Variants in CHCHD6 observed in about 807,000 individuals in gnomAD.
CHCHD6 encodes MICOS complex subunit MIC25.
A neutral mutation model predicts 32.3 loss-of-function variants in CHCHD6; 28 were observed. The ratio of observed to expected loss-of-function variants is 0.87; its 90% CI spans 0.64 to 1.19. The LOEUF (loss-of-function observed/expected upper bound fraction) is 1.19, where lower values mean the gene tolerates loss of function less well. Among genes scored for constraint, CHCHD6 ranks in the 50% most tolerant of loss-of-function variants. The probability of loss-of-function intolerance (pLI) is 0.00; values close to 1 mark genes in which losing one functional copy is unlikely to be tolerated. For missense variants in CHCHD6, 333 were observed against 307.0 expected, an observed-to-expected ratio of 1.08 and a Z score of -0.63; for synonymous variants, 122 against 117.5, an observed-to-expected ratio of 1.04 and a Z score of -0.25.
Position 126,771,534 on chromosome 3 carries a change from A to G in CHCHD6, c.411+38312A>G, listed in dbSNP as rs928061529. On this transcript the variant is annotated intron_variant, in intron 4 of 7. Transcript: ENST00000290913. ...CCCTAAAGGGGGGTTCTCCTCTCTT[A>G]TTTTCTTTGTTAGTCTAACTAGTGG... 2.0e-5 allele frequency among the ~76,000 whole-genome samples: 3 copies of G among 151,686 alleles called. No homozygotes were observed. The South Asian group carries it at 6.2e-4, about 31-fold the overall frequency.
intron 5 of CHCHD6, among the ~76,000 whole-genome samples, chr3:126,891,583 G>T (rs979068185): frequency 6.6e-6 from 1 of 152,190 alleles, no homozygotes; most frequent in African/African-American, 2.4e-5. Flanking sequence ...GGCTGCAGCT[G>T]CCTTGAGGAG....
At chr3:126,818,476 G>C (rs1940005601) in intron 4 of CHCHD6, among the ~76,000 whole-genome samples, 1 of 152,138 alleles carries the variant, frequency 6.6e-6, no homozygotes, top group Admixed American at 6.5e-5. Flanking sequence ...CACTGGTTTT[G>C]ATTCTATATT....
At chr3:126,777,813 A>G (rs1937721545) in intron 4 of CHCHD6, among the ~76,000 whole-genome samples, 1 of 152,242 alleles carries the variant, frequency 6.6e-6, no homozygotes, top group Non-Finnish European at 1.5e-5. Flanking sequence ...CATTCAAAGT[A>G]TCTAACTCAA....
chr3:126,767,537 C>A (rs1209494019), intron 4 of CHCHD6: 1 of 471,868 alleles, frequency 2.1e-6, no homozygotes, highest in Non-Finnish European at 3.9e-6. Context: ...ATTTTCCCAC[C>A]AGGCACCTGT....
chr3:126,921,188 C>T (rs929982770), intron 6 of CHCHD6, among the ~76,000 whole-genome samples: 1 of 152,152 alleles, frequency 6.6e-6, no homozygotes, highest in Non-Finnish European at 1.5e-5. Flanking sequence ...TGTGTTAGGA[C>T]ACCAACCTGT....
At chr3:126,759,792 T>C (rs1486803275) in intron 4 of CHCHD6, among the ~76,000 whole-genome samples, 1 of 152,222 alleles carries the variant, frequency 6.6e-6, no homozygotes, top group Non-Finnish European at 1.5e-5. Context: ...GTAAAGGTAC[T>C]GTTAGTCTGT....
chr3:126,921,813 C>A (rs935816732), intron 6 of CHCHD6, among the ~76,000 whole-genome samples: 2 of 152,192 alleles, frequency 1.3e-5, no homozygotes, highest in African/African-American at 4.8e-5. Flanking sequence ...CTTTAGGACC[C>A]ACCTGAGAGA....
intron 6 of CHCHD6, among the ~76,000 whole-genome samples, chr3:126,923,679 C>T (rs1357267715): frequency 6.6e-6 from 1 of 152,204 alleles, no homozygotes; most frequent in African/African-American, 2.4e-5. Flanking sequence ...TGACGTGTGG[C>T]CTGGGTCGGA....
At chr3:126,908,223 A>G (rs2078033565) in intron 5 of CHCHD6, among the ~76,000 whole-genome samples, 1 of 152,138 alleles carries the variant, frequency 6.6e-6, no homozygotes, top group African/African-American at 2.4e-5. Context: ...CATTCTCTCA[A>G]AGCATTTGGA....
chr3:126,952,989 G>T (rs530939770), intron 6 of CHCHD6: 7 of 985,454 alleles, frequency 7.1e-6, no homozygotes, highest in African/African-American at 3.5e-5. Flanking sequence ...GGGGTCTTCT[G>T]TGGTCCTATT....
intron 5 of CHCHD6, among the ~76,000 whole-genome samples, chr3:126,872,440 G>C (rs926655438): frequency 6.6e-6 from 1 of 152,162 alleles, no homozygotes; most frequent in Non-Finnish European, 1.5e-5. Flanking sequence ...ATCACCTGAA[G>C]TGCTCGGTAA....
At chr3:126,769,619 C>T (rs2107676238) in intron 4 of CHCHD6, among the ~76,000 whole-genome samples, 1 of 152,264 alleles carries the variant, frequency 6.6e-6, no homozygotes, top group South Asian at 2.1e-4. Flanking sequence ...TCTCCTGCCT[C>T]AGTCTCCCGA....
chr3:126,798,768 G>T (rs1938923292), intron 4 of CHCHD6, among the ~76,000 whole-genome samples: 1 of 152,188 alleles, frequency 6.6e-6, no homozygotes, highest in Non-Finnish European at 1.5e-5. Context: ...CCAGATGTTG[G>T]TTGAATTTCG....
chr3:126,797,249 T>C (rs564285450), intron 4 of CHCHD6, among the ~76,000 whole-genome samples: 3 of 152,294 alleles, frequency 2.0e-5, no homozygotes, highest in South Asian at 2.1e-4. Context: ...GAAAACCTTA[T>C]GTTCTTTTTT....
chr3:126,859,474 C>T (rs1018403619), intron 5 of CHCHD6, among the ~76,000 whole-genome samples: 2 of 152,206 alleles, frequency 1.3e-5, no homozygotes, highest in Non-Finnish European at 2.9e-5. Flanking sequence ...TCTAGGCTTG[C>T]ACGTATGAGG....
At chr3:126,783,687 A>G (rs970748851) in intron 4 of CHCHD6, among the ~76,000 whole-genome samples, 5 of 151,656 alleles carry the variant, frequency 3.3e-5, no homozygotes, top group Non-Finnish European at 1.5e-5. Context: ...TTTACATAGC[A>G]TCAACTTTAG....
intron 5 of CHCHD6, among the ~76,000 whole-genome samples, chr3:126,876,976 G>T (rs1224210848): frequency 6.6e-6 from 1 of 152,126 alleles, no homozygotes; most frequent in Non-Finnish European, 1.5e-5. Flanking sequence ...AAGCACTTTG[G>T]GTAGGAGGAG....
chr3:126,937,414 G>A (rs2078496123), intron 6 of CHCHD6, among the ~76,000 whole-genome samples: 1 of 152,260 alleles, frequency 6.6e-6, no homozygotes, highest in South Asian at 2.1e-4. Flanking sequence ...AGCTGAGCCT[G>A]GTACGTCTCT....
chr3:126,713,200 G>C (rs1014467481), intron 1 of CHCHD6, among the ~76,000 whole-genome samples: 1 of 152,108 alleles, frequency 6.6e-6, no homozygotes, highest in Non-Finnish European at 1.5e-5. Flanking sequence ...CTTTTGAACA[G>C]GTTTCCAGGA....
Sources: allele counts gnomAD v4.1 joint callset (sites outside exome capture counted in the v4.1 genomes callset), GRCh38; gene constraint gnomAD v4.1.1; transcripts MANE v1.5; gene names NCBI Gene and HGNC (gene_info 2026-07-23, HGNC 2026-07-21).